The following EYA2 variants were observed in gnomAD, a reference collection of about 807,000 sequenced individuals.
EYA2 encodes protein phosphatase EYA2.
In EYA2, 31 loss-of-function variants were observed where a neutral mutation model predicts 69.2. That is an observed-to-expected ratio of 0.45 (90% CI 0.34 to 0.60). The LOEUF (loss-of-function observed/expected upper bound fraction) is 0.60. EYA2 is among the 20% of genes least tolerant of loss of function. EYA2 has a pLI of 0.02. For missense variants in EYA2, 622 were observed against 701.2 expected, an observed-to-expected ratio of 0.89 and a Z score of 1.28; for synonymous variants, 257 against 279.4, an observed-to-expected ratio of 0.92 and a Z score of 0.80.
chr20:47,094,240 A>G (rs905310222), intron 8 of EYA2, among the ~76,000 whole-genome samples: 4 of 152,234 alleles, frequency 2.6e-5, no homozygotes, highest in African/African-American at 9.6e-5. Flanking sequence ...TAAAAGTTCT[A>G]TTACTGAAAT....
intron 1 of EYA2, among the ~76,000 whole-genome samples, chr20:46,971,784 G>A (rs1354759754): frequency 2.0e-5 from 3 of 152,200 alleles, no homozygotes; most frequent in African/African-American, 7.2e-5. Context: ...TATAAAAAAT[G>A]TTCTGATAAG....
At chr20:46,934,458 T>G (rs1178292635) in intron 1 of EYA2, among the ~76,000 whole-genome samples, 1 of 152,030 alleles carries the variant, frequency 6.6e-6, no homozygotes, top group Non-Finnish European at 1.5e-5. Flanking sequence ...TCTCCCAGAA[T>G]TCAAGGATTG....
chr20:47,028,202 A>G (rs1473771924), intron 5 of EYA2, among the ~76,000 whole-genome samples: 1 of 152,208 alleles, frequency 6.6e-6, no homozygotes, highest in African/African-American at 2.4e-5. Flanking sequence ...GAAGACCTTC[A>G]CCAGGAATCC....
At chr20:46,999,674 C>T (rs1035149596) in intron 2 of EYA2, among the ~76,000 whole-genome samples, 26 of 152,136 alleles carry the variant, frequency 1.7e-4, no homozygotes, top group African/African-American at 6.3e-4. Flanking sequence ...AGACCACCAC[C>T]CCCGCCCCAA....
At chr20:47,097,890 T>G (rs1442967110) in intron 9 of EYA2, among the ~76,000 whole-genome samples, 1 of 152,194 alleles carries the variant, frequency 6.6e-6, no homozygotes, top group Non-Finnish European at 1.5e-5. Context: ...AGGGCAGTAC[T>G]TAAGACGACA....
At position 47,043,847 on chromosome 20, in the gene EYA2, C is replaced by T. The variant is rs113232104; in HGVS notation, c.415+27550C>T. On this transcript the variant is annotated intron_variant, in intron 5 of 15. Transcript: ENST00000327619. ...CAATAGAAGCTGACACCTTCCCAATCAATGTTGAGCAGTTTTTGAGTAGTT... is the reference window on the plus strand; with the variant it reads ...CAATAGAAGCTGACACCTTCCCAATTAATGTTGAGCAGTTTTTGAGTAGTT... Among the ~76,000 whole-genome samples, 656 of 152,296 alleles carry T rather than the reference C, an allele frequency of 4.3e-3. 3 individuals carry two copies. The highest frequency in any genetic ancestry group is 0.015 in the African/African-American group (620 of 41,564).
intron 1 of EYA2, among the ~76,000 whole-genome samples, chr20:46,944,041 C>G (rs555120572): frequency 6.6e-6 from 1 of 152,180 alleles, no homozygotes; most frequent in Admixed American, 6.5e-5. Context: ...CCTGGAGCCT[C>G]CCAACCCTAG....
Position 46,948,531 on chromosome 20 carries a change from T to C in EYA2, c.-10-41470T>C, listed in dbSNP as rs16992098. ...TAAGCTGCATAAGATGAGGGACTAA[T>C]ATTTCTTATCAGCTGTATCCTCGGT... On this transcript the variant is annotated intron_variant, in intron 1 of 15. Coordinates refer to ENST00000327619, the MANE Select transcript of EYA2 (RefSeq NM_005244.5). Among the ~76,000 whole-genome samples, 761 of 152,324 alleles carry C rather than the reference T, an allele frequency of 5.0e-3. 9 individuals are homozygous for C. The highest frequency in any genetic ancestry group is 0.017 in the African/African-American group (720 of 41,554).
intron 5 of EYA2, among the ~76,000 whole-genome samples, chr20:47,055,378 T>A (rs1204624335): frequency 2.0e-5 from 3 of 152,212 alleles, no homozygotes; most frequent in African/African-American, 7.2e-5. Flanking sequence ...GATCCCCTGA[T>A]CTGTTTCCAC....
rs1158744675 is a variant in EYA2, at chr20:47,174,325, C to T, written c.1198+1458C>T. Among the ~76,000 whole-genome samples, 47 of 152,196 alleles carry T rather than the reference C, an allele frequency of 3.1e-4. 1 individual carries two copies. The highest frequency in any genetic ancestry group is 2.9e-3 in the Admixed American group (45 of 15,284). On this transcript the variant is annotated intron_variant, in intron 12 of 15. Coordinates refer to ENST00000327619, the MANE Select transcript of EYA2 (RefSeq NM_005244.5). ...TATGTGGCCTTAGGCAACATACATACGGTCATCTTAATGAGCCTTAGTCTT... is the reference window on the plus strand; with the variant it reads ...TATGTGGCCTTAGGCAACATACATATGGTCATCTTAATGAGCCTTAGTCTT...
At chr20:47,148,622 C>T (rs773307683) in intron 10 of EYA2, among the ~76,000 whole-genome samples, 18 of 152,230 alleles carry the variant, frequency 1.2e-4, no homozygotes, top group Admixed American at 3.3e-4. Flanking sequence ...GCATAAATAT[C>T]GACACTCCCT....
chr20:47,092,926 C>T (rs2032129498), intron 8 of EYA2, among the ~76,000 whole-genome samples: 1 of 152,182 alleles, frequency 6.6e-6, no homozygotes, highest in South Asian at 2.1e-4. Context: ...TAAAATCCTT[C>T]AGCTGCACGT....
At chr20:46,901,228 G>A (rs1002899288) in intron 1 of EYA2, 4 of 152,164 alleles carry the variant, frequency 2.6e-5, no homozygotes, top group Admixed American at 2.6e-4. Context: ...CAAAGCAGAT[G>A]TTTCCTACCT....
At chr20:46,897,544 C>G (rs535059441) in intron 1 of EYA2, among the ~76,000 whole-genome samples, 84 of 152,346 alleles carry the variant, frequency 5.5e-4, no homozygotes, top group African/African-American at 2.0e-3. Flanking sequence ...GACTCATTCT[C>G]TCTCCTTCCA....
intron 4 of EYA2, among the ~76,000 whole-genome samples, chr20:47,008,488 A>G (rs1982863736): frequency 6.6e-6 from 1 of 152,236 alleles, no homozygotes; most frequent in African/African-American, 2.4e-5. Context: ...CTGCTGTGCT[A>G]GAAGGCTTAG....
intron 7 of EYA2, among the ~76,000 whole-genome samples, chr20:47,086,513 A>G (rs1015989671): frequency 6.7e-6 from 1 of 149,508 alleles, no homozygotes; most frequent in East Asian, 2.0e-4. Flanking sequence ...CACGTCTTAC[A>G]TAGCCAGAGC....
At chr20:46,976,607 G>A (rs942931115) in intron 1 of EYA2, among the ~76,000 whole-genome samples, 2 of 152,286 alleles carry the variant, frequency 1.3e-5, no homozygotes, top group Admixed American at 6.5e-5. Flanking sequence ...GGATGGTCTC[G>A]ATCTCATGAC....
chr20:46,984,280 TAAAG>T (rs1017464802), intron 1 of EYA2, among the ~76,000 whole-genome samples: 47 of 149,136 alleles, frequency 3.2e-4, no homozygotes, highest in African/African-American at 1.1e-3. Flanking sequence ...ATAATAGAAA[TAAAG>T]AAAACAGACA....
intron 7 of EYA2, among the ~76,000 whole-genome samples, chr20:47,076,736 T>G (rs2031532336): frequency 6.6e-6 from 1 of 152,204 alleles, no homozygotes; most frequent in Non-Finnish European, 1.5e-5. Context: ...GGTGTTCCAA[T>G]GACAATGTTG....
Sources: allele counts gnomAD v4.1 joint callset (sites outside exome capture counted in the v4.1 genomes callset), GRCh38; gene constraint gnomAD v4.1.1; transcripts MANE v1.5; gene names NCBI Gene and HGNC (gene_info 2026-07-23, HGNC 2026-07-21).